Variants in METTL25 observed in about 807,000 individuals in gnomAD.
The protein encoded by METTL25 is probable methyltransferase-like protein 25.
Under a neutral mutation model 71.6 loss-of-function variants are expected in METTL25, and 64 were observed. The observed-to-expected ratio is 0.89, with a 90% CI of 0.73 to 1.10. The LOEUF (loss-of-function observed/expected upper bound fraction) is 1.10, where lower values mean the gene tolerates loss of function less well. METTL25 is among the 50% of genes least tolerant of loss of function. The pLI is 0.00. For synonymous variants in METTL25, 287 were observed against 250.3 expected (o/e 1.15, Z -1.38); for missense variants, 807 against 707.0 (o/e 1.14, Z -1.60).
intron 3 of METTL25, among the ~76,000 whole-genome samples, chr12:82,398,253 C>A (rs111550882): frequency 4.3e-4 from 62 of 142,538 alleles, no homozygotes; most frequent in African/African-American, 1.5e-3. Flanking sequence ...TTTTATTTTT[C>A]TTTTTTTTTT....
At chr12:82,376,429 T>C (rs1883862998) in intron 1 of METTL25, among the ~76,000 whole-genome samples, 1 of 152,242 alleles carries the variant, frequency 6.6e-6, no homozygotes, top group African/African-American at 2.4e-5. Context: ...TTTATTCTTC[T>C]CCATGTGTTT....
At chr12:82,468,757 T>G (rs1329571360) in intron 9 of METTL25, 1 of 152,338 alleles carries the variant, frequency 6.6e-6, no homozygotes, top group Admixed American at 6.5e-5. Context: ...AAACTGACAG[T>G]GGCTTGTATT....
intron 1 of METTL25, among the ~76,000 whole-genome samples, chr12:82,380,008 G>GT (rs1263556707): frequency 6.6e-6 from 1 of 152,086 alleles, no homozygotes; most frequent in Non-Finnish European, 1.5e-5. Context: ...AATATTTGAG[G>GT]TTTTAAAAAT....
At chr12:82,384,200 T>C (rs2136930658) in intron 1 of METTL25, among the ~76,000 whole-genome samples, 1 of 152,318 alleles carries the variant, frequency 6.6e-6, no homozygotes, top group African/African-American at 2.4e-5. Context: ...CTAATTAATT[T>C]ACTAAATATA....
chr12:82,422,495 A>G (rs565668068), intron 5 of METTL25, among the ~76,000 whole-genome samples: 54 of 152,314 alleles, frequency 3.5e-4, no homozygotes, highest in African/African-American at 1.3e-3. Context: ...CAAGACAGGG[A>G]TGCCCTCTCT....
chr12:82,368,242 G>A (rs1882794507), intron 1 of METTL25, among the ~76,000 whole-genome samples: 1 of 152,106 alleles, frequency 6.6e-6, no homozygotes, highest in South Asian at 2.1e-4. Context: ...TTCACCTATG[G>A]CAGAGGTAGA....
chr12:82,395,907 G>T (rs928134491), intron 3 of METTL25, among the ~76,000 whole-genome samples: 3 of 152,032 alleles, frequency 2.0e-5, no homozygotes, highest in Non-Finnish European at 4.4e-5. Flanking sequence ...TATAGCCCTT[G>T]CATGAGTATG....
chr12:82,381,842 T>C (rs937370685), intron 1 of METTL25, among the ~76,000 whole-genome samples: 8 of 152,250 alleles, frequency 5.3e-5, no homozygotes, highest in Non-Finnish European at 1.0e-4. Context: ...ACTCAACCTA[T>C]TGAGCATTGT....
At chr12:82,358,889 G>T (rs776441252) in intron 1 of METTL25, 65 bp downstream of exon 1, 5 of 1,534,226 alleles carry the variant, frequency 3.3e-6, no homozygotes, top group South Asian at 2.4e-5. Context: ...GACGAAGCGA[G>T]CCCCCTGGTG....
In METTL25 at chr12:82,410,314, A is replaced by T. The variant is rs184079152; in HGVS notation, c.1279+7184A>T. ...TGTCTTAGTCCATTAATGGCAATGA[A>T]TTAATCCTATCATTGAAACAATGCA... is the stretch of plus-strand genomic sequence containing the variant. On this transcript the variant is annotated intron_variant, in intron 5 of 11. Transcript: ENST00000248306. Among the ~76,000 whole-genome samples, 3 of 152,254 alleles carry T rather than the reference A, an allele frequency of 2.0e-5. No homozygotes were observed. In the East Asian group the frequency reaches 5.8e-4, roughly 29 times the overall value.
At chr12:82,383,917 C>G (rs555357864) in intron 1 of METTL25, among the ~76,000 whole-genome samples, 1 of 152,180 alleles carries the variant, frequency 6.6e-6, no homozygotes, top group East Asian at 1.9e-4. Flanking sequence ...AGAAAATAAT[C>G]TCTCCTGCCT....
intron 11 of METTL25, among the ~76,000 whole-genome samples, chr12:82,477,584 G>A (rs1241430018): frequency 1.3e-5 from 2 of 151,578 alleles, no homozygotes; most frequent in African/African-American, 4.8e-5. Context: ...TTAATTGTAT[G>A]GTAATTACTA....
At chr12:82,452,995 G>A (rs1891252307) in intron 8 of METTL25, among the ~76,000 whole-genome samples, 1 of 152,046 alleles carries the variant, frequency 6.6e-6, no homozygotes, top group Non-Finnish European at 1.5e-5. Context: ...ACACTATCGT[G>A]CATATACAAC....
intron 3 of METTL25, 84 bp downstream of exon 3, chr12:82,390,006 C>T (rs1363554025): frequency 1.3e-6 from 1 of 747,186 alleles, no homozygotes; most frequent in Non-Finnish European, 2.3e-6. Context: ...TTACTGTCAG[C>T]TAGCCTTTAA....
chr12:82,398,814 G>T lies in METTL25; in HGVS notation c.551G>T (p.Gly184Val). The T allele has an allele frequency of 6.5e-7, 1 of 1,544,010 alleles. No individual in the cohort carries two copies. Among genetic ancestry groups the T allele is most frequent in the South Asian group, 1.3e-5 (1 of 77,664 alleles). ...GIKQVIDLGS[G>V]KGYLSSFLSL... Reference sequence around the variant, plus strand: ...TCTTAGGTGATTGACTTGGGTTCCGGTAAAGGCTACCTAAGCTCTTTTTTG... The same window carrying T: ...TCTTAGGTGATTGACTTGGGTTCCGTTAAAGGCTACCTAAGCTCTTTTTTG... The change falls in exon 4 of 12, where the codon GGT (glycine) becomes GTT (valine). Residue 184 changes from glycine to valine, a missense_variant. Transcript: ENST00000248306.
chr12:82,365,821 G>A (rs370396609), intron 1 of METTL25, among the ~76,000 whole-genome samples: 183 of 151,724 alleles, frequency 1.2e-3, no homozygotes, highest in African/African-American at 4.4e-3. Context: ...GGTGGCTCAC[G>A]CCTGCAATCC....
chr12:82,395,743 G>A (rs1258510818), intron 3 of METTL25, among the ~76,000 whole-genome samples: 2 of 152,032 alleles, frequency 1.3e-5, no homozygotes, highest in African/African-American at 2.4e-5. Flanking sequence ...TATTGGACTA[G>A]AGACTCCTCT....
chr12:82,462,292 C>T (rs1040897829), intron 9 of METTL25, among the ~76,000 whole-genome samples: 2 of 152,160 alleles, frequency 1.3e-5, no homozygotes, highest in African/African-American at 4.8e-5. Context: ...GTGCTATAGA[C>T]TGCTAGAACT....
In METTL25 at chr12:82,415,131, C is replaced by T. The variant is rs79066816; in HGVS notation, c.1279+12001C>T. 6.5e-3 allele frequency among the ~76,000 whole-genome samples: 985 copies of T among 152,124 alleles called. 10 individuals carry two copies. Among genetic ancestry groups the T allele is most frequent in the African/African-American group, 0.023 (946 of 41,514 alleles). The stretch of plus-strand genomic sequence containing the variant: ...GTTTTCCCTCAGCACCTGGGTTTTG[C>T]CATTGTATAGTCATGCATAAAAATA... On this transcript the variant is annotated intron_variant, in intron 5 of 11. Coordinates refer to ENST00000248306, the MANE Select transcript of METTL25 (RefSeq NM_032230.3).
Sources: gnomAD v4.1 joint callset for allele counts (sites outside exome capture counted in the v4.1 genomes callset) on GRCh38, gnomAD v4.1.1 for gene constraint, MANE v1.5 for transcripts, NCBI Gene and HGNC (gene_info 2026-07-23, HGNC 2026-07-21) for gene names.